Variants in ADAMTS14 observed in about 807,000 individuals in gnomAD.
The protein encoded by ADAMTS14 is A disintegrin and metalloproteinase with thrombospondin motifs 14.
A neutral mutation model predicts 128.6 loss-of-function variants in ADAMTS14; 100 were observed. That is an observed-to-expected ratio of 0.78 (90% CI 0.66 to 0.92). ADAMTS14 has a LOEUF of 0.92. Ranked by LOEUF, ADAMTS14 falls within the 40% of genes least tolerant of loss-of-function variation. ADAMTS14 has a pLI of 0.00. For synonymous variants in ADAMTS14, 665 were observed against 653.8 expected (o/e 1.02, Z -0.26); for missense variants, 1,562 against 1,658.6 (o/e 0.94, Z 1.01).
At chr10:70,755,572 C>T (rs774927706) in intron 19 of ADAMTS14, among the ~76,000 whole-genome samples, 3 of 152,278 alleles carry the variant, frequency 2.0e-5, no homozygotes, top group East Asian at 1.9e-4. Context: ...GGGCTGGGCG[C>T]GGTGGCTCAC....
intron 12 of ADAMTS14, among the ~76,000 whole-genome samples, chr10:70,741,817 T>A (rs1035752473): frequency 6.6e-6 from 1 of 152,204 alleles, no homozygotes; most frequent in Non-Finnish European, 1.5e-5. Flanking sequence ...TTTCCAGTGA[T>A]GGCTCCATAG....
chr10:70,698,569 C>T (rs1029361903), intron 2 of ADAMTS14, among the ~76,000 whole-genome samples: 6 of 152,160 alleles, frequency 3.9e-5, no homozygotes, highest in African/African-American at 9.7e-5. Flanking sequence ...AGAGTCTCTG[C>T]GGCCCAGGCA....
intron 4 of ADAMTS14, among the ~76,000 whole-genome samples, chr10:70,720,753 T>C (rs1841231744): frequency 6.6e-6 from 1 of 152,210 alleles, no homozygotes; most frequent in African/African-American, 2.4e-5. Flanking sequence ...CACAAGCATA[T>C]ACCTGTGCAT....
chr10:70,760,269 G>A (rs942237627), intron 21 of ADAMTS14, 91 bp from the exon 22 acceptor site: 44 of 1,469,970 alleles, frequency 3.0e-5, no homozygotes, highest in African/African-American at 2.4e-4. Context: ...GGTGGAGGGC[G>A]GGCAGTCAGT....
intron 2 of ADAMTS14, among the ~76,000 whole-genome samples, chr10:70,688,421 C>G (rs1421347869): frequency 2.7e-5 from 2 of 74,096 alleles, no homozygotes; most frequent in Admixed American, 2.9e-4. Context: ...ACATCCCAGA[C>G]GATGGGCGGC....
At chr10:70,689,841 G>A (rs1341810250) in intron 2 of ADAMTS14, among the ~76,000 whole-genome samples, 1 of 145,064 alleles carries the variant, frequency 6.9e-6, no homozygotes, top group African/African-American at 2.4e-5. Context: ...TTCCTCCCCA[G>A]GGACTGCCAG....
chr10:70,673,251 C>T (rs1339974276), intron 1 of ADAMTS14, among the ~76,000 whole-genome samples: 1 of 148,294 alleles, frequency 6.7e-6, no homozygotes, highest in African/African-American at 2.5e-5. Context: ...CTTGTGTGAG[C>T]ATGGGTGCAA....
At chr10:70,722,832 C>G (rs940131806) in intron 4 of ADAMTS14, among the ~76,000 whole-genome samples, 2 of 152,126 alleles carry the variant, frequency 1.3e-5, no homozygotes, top group Non-Finnish European at 2.9e-5. Context: ...AATAAATAAA[C>G]GAAGAAGGGA....
At chr10:70,682,364 G>C (rs1216094115) in intron 2 of ADAMTS14, among the ~76,000 whole-genome samples, 4 of 152,218 alleles carry the variant, frequency 2.6e-5, no homozygotes, top group Admixed American at 6.5e-5. Flanking sequence ...TTAAGCCATT[G>C]TATGAACCAA....
intron 3 of ADAMTS14, among the ~76,000 whole-genome samples, chr10:70,707,925 G>C (rs183041064): frequency 6.6e-6 from 1 of 152,234 alleles, no homozygotes; most frequent in Non-Finnish European, 1.5e-5. Flanking sequence ...GGTTGTGACC[G>C]AGAATGAATG....
intron 2 of ADAMTS14, among the ~76,000 whole-genome samples, chr10:70,679,609 G>A (rs890355859): frequency 1.3e-5 from 2 of 152,196 alleles, no homozygotes; most frequent in Non-Finnish European, 2.9e-5. Flanking sequence ...CTTCTCCTAC[G>A]GCCATCTCTG....
chr10:70,748,467 G>A (rs1589334960), intron 15 of ADAMTS14, among the ~76,000 whole-genome samples: 1 of 152,132 alleles, frequency 6.6e-6, no homozygotes, highest in Admixed American at 6.5e-5. Context: ...GGAGGCGAGG[G>A]GCATCTCTCC....
At chr10:70,709,824 A>G (rs1840788399) in intron 4 of ADAMTS14, among the ~76,000 whole-genome samples, 1 of 152,212 alleles carries the variant, frequency 6.6e-6, no homozygotes, top group African/African-American at 2.4e-5. Context: ...TTAAATGTTA[A>G]AAGAGAAACC....
At chr10:70,751,793 C>T (rs1378676487) in intron 17 of ADAMTS14, 147 bp downstream of exon 17, 28 of 1,179,854 alleles carry the variant, frequency 2.4e-5, no homozygotes, top group East Asian at 5.2e-5. Context: ...TGTGGAAGCC[C>T]GTTTTGGGCA....
chr10:70,748,279 G>A (rs982858411), intron 15 of ADAMTS14, among the ~76,000 whole-genome samples: 11 of 152,184 alleles, frequency 7.2e-5, no homozygotes, highest in African/African-American at 2.7e-4. Flanking sequence ...CCAACGGTCT[G>A]GAATGAGGGG....
chr10:70,749,779 A>G, intron 15 of ADAMTS14, 43 bp from the exon 16 acceptor site: 2 of 1,600,720 alleles, frequency 1.2e-6, no homozygotes, highest in Non-Finnish European at 1.7e-6. Flanking sequence ...CCCCCTGTGG[A>G]GAGGAGCAGA....
chr10:70,748,081 T>C (rs995044485), intron 15 of ADAMTS14, among the ~76,000 whole-genome samples: 1 of 152,000 alleles, frequency 6.6e-6, no homozygotes, highest in African/African-American at 2.4e-5. Flanking sequence ...TCCCATGCGC[T>C]GGGCCATGAG....
intron 17 of ADAMTS14, 31 bp from the exon 18 acceptor site, chr10:70,752,064 C>A: frequency 6.3e-7 from 1 of 1,592,788 alleles, no homozygotes; most frequent in South Asian, 1.2e-5. Context: ...CCTGGCTGGA[C>A]TAGGCCCACG....
intron 2 of ADAMTS14, among the ~76,000 whole-genome samples, chr10:70,693,181 C>A (rs1002675690): frequency 1.6e-4 from 25 of 152,160 alleles, no homozygotes; most frequent in Admixed American, 1.6e-3. Flanking sequence ...CGTGCTAAAC[C>A]ATTCATGAGG....
Sources: gnomAD v4.1 joint callset for allele counts (sites outside exome capture counted in the v4.1 genomes callset) on GRCh38, gnomAD v4.1.1 for gene constraint, MANE v1.5 for transcripts, NCBI Gene and HGNC (gene_info 2026-07-23, HGNC 2026-07-21) for gene names.